PHF24: variants seen among roughly 807,000 people sequenced by gnomAD.
The protein encoded by PHF24 is Galpha inhibitory interacting protein.
Under a neutral mutation model 42.6 loss-of-function variants are expected in PHF24, and 25 were observed. The observed-to-expected ratio is 0.59, with a 90% confidence interval of 0.43 to 0.82. PHF24 has a LOEUF of 0.82. Among genes scored for constraint, PHF24 ranks in the 40% least tolerant of loss-of-function variants. The probability of loss-of-function intolerance (pLI) is 0.00; values close to 1 mark genes in which losing one functional copy is unlikely to be tolerated. For missense variants in PHF24, 470 were observed against 538.1 expected, an observed-to-expected ratio of 0.87 and a Z score of 1.25; for synonymous variants, 185 against 204.8, an observed-to-expected ratio of 0.90 and a Z score of 0.83.
At chr9:34,709,192 C>A in the PHF24 span, 1 of 659,882 alleles carries the variant, frequency 1.5e-6, no homozygotes, top group Middle Eastern at 4.1e-4. Flanking sequence ...CTGGACCTGG[C>A]CTGCTGTGGG....
chr9:34,818,120 T>C, the PHF24 span, among the ~76,000 whole-genome samples: 3 of 152,264 alleles, frequency 2.0e-5, no homozygotes, highest in African/African-American at 7.2e-5. Flanking sequence ...GACAATAATG[T>C]TGCTTGTGAA....
At chr9:34,837,785 T>A in the PHF24 span, 2 of 868,320 alleles carry the variant, frequency 2.3e-6, no homozygotes, top group East Asian at 5.4e-5. Flanking sequence ...TATTTTCCAC[T>A]CCCTTTCTAT....
chr9:34,832,225 ACT>A, the PHF24 span: 3 of 431,862 alleles, frequency 6.9e-6, no homozygotes, highest in Admixed American at 3.6e-5. Context: ...GAGCCTATAA[ACT>A]CTTTTTCATG....
the PHF24 span, among the ~76,000 whole-genome samples, chr9:34,674,907 C>T: frequency 5.3e-5 from 8 of 152,284 alleles, no homozygotes; most frequent in African/African-American, 1.9e-4. Context: ...CGCTCTGTCA[C>T]TCAGGCTGGA....
At chr9:34,931,284 G>A in the PHF24 span, among the ~76,000 whole-genome samples, 2 of 149,332 alleles carry the variant, frequency 1.3e-5, no homozygotes, top group East Asian at 3.9e-4. Context: ...GCTGAGGCAG[G>A]AGAATGGCAT....
the PHF24 span, among the ~76,000 whole-genome samples, chr9:34,693,693 T>A: frequency 6.6e-6 from 1 of 152,048 alleles, no homozygotes; most frequent in Non-Finnish European, 1.5e-5. Flanking sequence ...TTAAAAAAAT[T>A]GAAGAAATAA....
the PHF24 span, among the ~76,000 whole-genome samples, chr9:34,819,101 C>T: frequency 6.6e-6 from 1 of 152,010 alleles, no homozygotes; most frequent in African/African-American, 2.4e-5. Context: ...TCATAATATT[C>T]CTTTTCTCAT....
intron 1 of PHF24, among the ~76,000 whole-genome samples, chr9:34,967,247 T>C (rs766622147): frequency 6.6e-6 from 1 of 152,214 alleles, no homozygotes; most frequent in Non-Finnish European, 1.5e-5. Context: ...CCTTGTCTTT[T>C]AGAGGTGCGT....
At chr9:34,689,602 G>C in the PHF24 span, 1 of 573,534 alleles carries the variant, frequency 1.7e-6, no homozygotes, top group Non-Finnish European at 3.1e-6. The surrounding 1 kb of genome is among the most constrained non-coding windows in gnomAD (Gnocchi z 4.1). Flanking sequence ...TTTATTGGTA[G>C]CATTGCAATC....
the PHF24 span, among the ~76,000 whole-genome samples, chr9:34,841,776 T>G: frequency 6.6e-6 from 1 of 152,204 alleles, no homozygotes; most frequent in Non-Finnish European, 1.5e-5. Flanking sequence ...GAAAATCGCT[T>G]GAACCAGTTG....
chr9:34,690,294 A>G, the PHF24 span: 1 of 1,614,108 alleles, frequency 6.2e-7, no homozygotes, highest in Non-Finnish European at 8.5e-7. Context: ...TTTCTGGGTC[A>G]CAGACAGGCA....
intron 1 of PHF24, among the ~76,000 whole-genome samples, chr9:34,967,192 G>A (rs750883265): frequency 3.9e-5 from 6 of 152,106 alleles, no homozygotes; most frequent in Non-Finnish European, 7.3e-5. Flanking sequence ...TGAATAAACT[G>A]TTCATCTTTC....
the PHF24 span, chr9:34,691,022 C>T: frequency 3.7e-4 from 509 of 1,367,054 alleles, no homozygotes; most frequent in Middle Eastern, 3.6e-4. Flanking sequence ...GCCAAGCAAT[C>T]TGAGATCTAG....
chr9:34,900,437 A>G, the PHF24 span, among the ~76,000 whole-genome samples: 1 of 152,130 alleles, frequency 6.6e-6, no homozygotes, highest in Non-Finnish European at 1.5e-5. Context: ...CATCTCTACA[A>G]AAACTACAAA....
the PHF24 span, among the ~76,000 whole-genome samples, chr9:34,705,787 A>C: frequency 1.3e-5 from 2 of 152,072 alleles, no homozygotes; most frequent in African/African-American, 4.8e-5. Flanking sequence ...TTTTTGGCCA[A>C]GCAGAGTGGC....
the PHF24 span, among the ~76,000 whole-genome samples, chr9:34,758,913 G>A: frequency 6.6e-6 from 1 of 152,020 alleles, no homozygotes; most frequent in Non-Finnish European, 1.5e-5. This position sits in a 1 kb window ranked among gnomAD's most constrained non-coding sequence, Gnocchi z 4.4. Flanking sequence ...CTGATTCTAG[G>A]CTAACCCAAT....
the PHF24 span, among the ~76,000 whole-genome samples, chr9:34,880,632 A>AG: frequency 1.3e-5 from 2 of 152,290 alleles, no homozygotes; most frequent in African/African-American, 4.8e-5. Flanking sequence ...AATGGTAAAG[A>AG]GATCAGTTCA....
chr9:34,770,735 G>A, the PHF24 span, among the ~76,000 whole-genome samples: 3 of 151,278 alleles, frequency 2.0e-5, no homozygotes, highest in South Asian at 6.2e-4. Context: ...AGGGAAGAGG[G>A]CAACACTTTT....
the PHF24 span, chr9:34,724,341 T>G: frequency 6.4e-7 from 1 of 1,551,226 alleles, no homozygotes; most frequent in South Asian, 1.2e-5. Context: ...TTCAAGTCAT[T>G]GGCCAGCTGT....
Sources: allele counts gnomAD v4.1 joint callset (sites outside exome capture counted in the v4.1 genomes callset), GRCh38; gene constraint gnomAD v4.1.1; non-coding constraint Gnocchi (gnomAD v3.1); transcripts MANE v1.5; gene names NCBI Gene and HGNC (gene_info 2026-07-23, HGNC 2026-07-21).